Variants in WDR93 observed in about 807,000 individuals in gnomAD.
WDR93 encodes the protein WD repeat domain 93, also known as WD repeat-containing protein 93.
A neutral mutation model predicts 82.9 loss-of-function variants in WDR93; 73 were observed. The observed-to-expected ratio is 0.88, with a 90% CI of 0.73 to 1.07. The LOEUF is 1.07. Among genes scored for constraint, WDR93 ranks in the 50% least tolerant of loss-of-function variants. WDR93 has a pLI of 0.00. For missense variants in WDR93, 738 were observed against 826.0 expected (o/e 0.89, Z 1.31); for synonymous variants, 283 against 300.1 (o/e 0.94, Z 0.59).
intron 8 of WDR93, among the ~76,000 whole-genome samples, chr15:89,725,546 C>T (rs942250855): frequency 6.9e-6 from 1 of 144,958 alleles, no homozygotes; most frequent in Non-Finnish European, 1.5e-5. Context: ...TGTTCTATTT[C>T]TTTTTTTTTT....
intron 7 of WDR93, 68 bp from the exon 8 acceptor site, chr15:89,721,987 T>C: frequency 7.5e-6 from 8 of 1,065,534 alleles, no homozygotes; most frequent in Non-Finnish European, 1.1e-5. Context: ...CTTTTAAAAT[T>C]AGTATTTTTA....
chr15:89,726,271 G>C (rs2141675122), intron 8 of WDR93, among the ~76,000 whole-genome samples: 1 of 152,230 alleles, frequency 6.6e-6, no homozygotes, highest in East Asian at 1.9e-4. Context: ...AAACAACCCA[G>C]ATTGCTGGGC....
rs1357694239 is a variant in WDR93, at chr15:89,737,672, G to T, written c.1708G>T (p.Val570Phe). Residue 570 changes from valine (V) to phenylalanine (F), a missense_variant, in exon 15 of 17, where the codon GTC (valine) becomes TTC (phenylalanine). Physicochemically the swap from Val to Phe is conservative, Grantham distance 50. Coordinates refer to ENST00000268130, the MANE Select transcript of WDR93 (RefSeq NM_020212.2). ...FAPPGAFPLE[V>F]PWKPVFAVSP... is the part of the protein sequence containing the mutation. ...CCCTCCGGGAGCCTTTCCTCTGGAG[G>T]TCCCCTGGAAGCCAGTGTTTGCTGT... 5.0e-6 allele frequency: 8 copies of T among 1,614,050 alleles called. No individual in the cohort carries two copies. The highest frequency in any genetic ancestry group is 5.9e-6 in the Non-Finnish European group (7 of 1,180,044).
chr15:89,743,502 C>T lies in WDR93; in HGVS notation c.*111C>T. The T allele has an allele frequency of 9.9e-7, 1 of 1,013,934 alleles. No homozygotes were observed. Among genetic ancestry groups the T allele is most frequent in the Non-Finnish European group, 1.5e-6 (1 of 677,878 alleles). 62.8% of individuals were successfully genotyped at this position (1,013,934 alleles called of 1,614,324 possible). On this transcript the variant is annotated 3_prime_UTR_variant, in exon 17 of 17. Coordinates refer to ENST00000268130, the MANE Select transcript of WDR93 (RefSeq NM_020212.2). ...ACAGAGCCACAGCTCCACAGGCCTG[C>T]ACTCGGAGTCTGGGGCCTCTGCAGA... is the stretch of plus-strand genomic sequence containing the variant.
chr15:89,690,433 C>G, upstream of WDR93: 1 of 622,574 alleles, frequency 1.6e-6, no homozygotes, highest in Non-Finnish European at 2.8e-6. Context: ...GGCTCGGATA[C>G]TAAACTCCCT....
chr15:89,719,277 A>T (rs1966409597), intron 7 of WDR93, among the ~76,000 whole-genome samples: 1 of 152,186 alleles, frequency 6.6e-6, no homozygotes, highest in Non-Finnish European at 1.5e-5. Flanking sequence ...TTTATAGAAA[A>T]ACATGTTGCT....
intron 14 of WDR93, 119 bp downstream of exon 14, chr15:89,735,672 T>A: frequency 9.9e-7 from 1 of 1,011,194 alleles, no homozygotes; most frequent in Non-Finnish European, 1.5e-6. Flanking sequence ...GGCACTGGAC[T>A]AGCTTTCGGG....
At chr15:89,733,313 T>C (rs1020575002) in intron 13 of WDR93, 94 bp downstream of exon 13, 6 of 1,196,282 alleles carry the variant, frequency 5.0e-6, no homozygotes, top group Non-Finnish European at 7.1e-6. Context: ...CTGACTACAG[T>C]CCACCTTTTG....
intron 16 of WDR93, among the ~76,000 whole-genome samples, chr15:89,741,997 C>T (rs1259839466): frequency 2.0e-5 from 3 of 152,156 alleles, no homozygotes; most frequent in African/African-American, 4.8e-5. Context: ...GTGATCCACC[C>T]GCCTTGGCCT....
chr15:89,713,490 T>G (rs1292924228), intron 5 of WDR93, among the ~76,000 whole-genome samples: 1 of 148,070 alleles, frequency 6.8e-6, no homozygotes, highest in Admixed American at 6.7e-5. Context: ...GTTTTTTTTT[T>G]GAGAAGGAGT....
chr15:89,720,632 C>G (rs1020041716), intron 7 of WDR93, among the ~76,000 whole-genome samples: 8 of 152,104 alleles, frequency 5.3e-5, no homozygotes, highest in Non-Finnish European at 1.0e-4. Context: ...TTACAGCTGG[C>G]TTTTTTTATG....
At position 89,701,771 on chromosome 15, in the gene WDR93, A is replaced by G; in HGVS notation, c.25A>G (p.Thr9Ala). 6.2e-7 allele frequency: 1 copy of G among 1,612,470 alleles called. No homozygotes were observed. The highest frequency in any genetic ancestry group is 8.5e-7 in the Non-Finnish European group (1 of 1,178,660). Residue 9 changes from threonine (T) to alanine (A), a missense_variant, in exon 2 of 17, where the codon ACC (threonine) becomes GCC (alanine). Coordinates refer to ENST00000268130, the MANE Select transcript of WDR93 (RefSeq NM_020212.2). Reference sequence around the variant, plus strand: ...GATGTCATTCCCAAGAGGAAGTCAGACCCAGAAAATAAAGCACCCCATTGG... The same window carrying G: ...GATGTCATTCCCAAGAGGAAGTCAGGCCCAGAAAATAAAGCACCCCATTGG... MSFPRGSQ[T>A]QKIKHPIGTR...
chr15:89,727,167 C>T lies in WDR93; in HGVS notation c.891C>T (p.Phe297=), dbSNP rs1195044787. ...KPPKPVTGTT[F]KSPLEVFAKI... Reference sequence around the variant, plus strand: ...ATATTTTCAACCTAGGCACCACATTCAAAAGCCCCCTGGAAGTCTTTGCAA... The same window carrying T: ...ATATTTTCAACCTAGGCACCACATTTAAAAGCCCCCTGGAAGTCTTTGCAA... The change falls in exon 9 of 17, where the codon TTC becomes TTT. Residue 297 remains phenylalanine (F), a synonymous_variant. Transcript: ENST00000268130. 6.2e-7 allele frequency: 1 copy of T among 1,613,370 alleles called. No homozygotes were observed. Among genetic ancestry groups the T allele is most frequent in the Admixed American group, 1.7e-5 (1 of 59,948 alleles).
At chr15:89,720,791 A>T (rs1217930519) in intron 7 of WDR93, among the ~76,000 whole-genome samples, 2 of 152,162 alleles carry the variant, frequency 1.3e-5, no homozygotes, top group Non-Finnish European at 2.9e-5. Context: ...CTTGAAAAGG[A>T]TGTTTGAAGA....
chr15:89,710,669 C>T (rs544716556), intron 4 of WDR93, among the ~76,000 whole-genome samples: 1 of 151,978 alleles, frequency 6.6e-6, no homozygotes, highest in African/African-American at 2.4e-5. Flanking sequence ...CTATGATATT[C>T]AAATTATCAG....
intron 2 of WDR93, 35 bp downstream of exon 2, chr15:89,702,084 T>C (rs1965498944): frequency 6.4e-7 from 1 of 1,568,354 alleles, no homozygotes; most frequent in South Asian, 1.2e-5. Context: ...AGCCCCTGTT[T>C]CTCAGTTGAG....
chr15:89,695,940 C>T (rs1965149317), intron 1 of WDR93, among the ~76,000 whole-genome samples: 1 of 151,814 alleles, frequency 6.6e-6, no homozygotes, highest in South Asian at 2.1e-4. Flanking sequence ...CCTCAGCCTC[C>T]TGAGTAGCTG....
At chr15:89,737,534 TCCAGTAGAAGC>T in intron 14 of WDR93, 28 bp from the exon 15 acceptor site, 3 of 1,613,056 alleles carry the variant, frequency 1.9e-6, no homozygotes, top group Non-Finnish European at 2.5e-6. Context: ...AGGGACAGAG[TCCAGTAGAAGC>T]CCCCCTCACC....
In WDR93 at chr15:89,737,579, A is replaced by T. The variant is rs779464002; in HGVS notation, c.1615A>T (p.Ile539Phe). The change falls in exon 15 of 17, where the codon ATC becomes TTC. Residue 539 changes from isoleucine to phenylalanine, a missense_variant. Physicochemically the swap from Ile to Phe is conservative, Grantham distance 21 (BLOSUM62 0). Transcript: ENST00000268130. ...PVPALPGMVL[I>F]FSKNGSVCLM... ...CCATCTCTTTGCTTCCCAGGTGCTC[A>T]TCTTTTCCAAGAATGGCTCTGTGTG... is the stretch of plus-strand genomic sequence containing the variant. The T allele has an allele frequency of 1.9e-6, 3 of 1,614,080 alleles. No individual in the cohort carries two copies. In the African/African-American group the frequency reaches 4.0e-5, roughly 22 times the overall value.
Sources: gnomAD v4.1 joint callset for allele counts (sites outside exome capture counted in the v4.1 genomes callset) on GRCh38, gnomAD v4.1.1 for gene constraint, MANE v1.5 for transcripts, NCBI Gene and HGNC (gene_info 2026-07-23, HGNC 2026-07-21) for gene names.